The following TIE1 variants were observed in gnomAD, a reference collection of about 807,000 sequenced individuals.
TIE1 encodes tyrosine-protein kinase receptor Tie-1.
A neutral mutation model predicts 130.5 loss-of-function variants in TIE1; 89 were observed. That is an observed-to-expected ratio of 0.68 (90% CI 0.57 to 0.81). TIE1 has a LOEUF of 0.81. TIE1 is among the 40% of genes least tolerant of loss of function. The pLI is 0.00. For missense variants in TIE1, 1,392 were observed against 1,559.8 expected, an observed-to-expected ratio of 0.89 and a Z score of 1.81; for synonymous variants, 568 against 629.4, an observed-to-expected ratio of 0.90 and a Z score of 1.46.
chr1:43,320,709 G>A (rs1341102892), intron 19 of TIE1: 1 of 152,220 alleles, frequency 6.6e-6, no homozygotes, highest in Non-Finnish European at 1.5e-5. Flanking sequence ...AAAGAAATTA[G>A]CCGGGCATGG....
rs1336685512 is a variant in TIE1, at chr1:43,305,083, G to A, written c.291G>A (p.Ser97=). ...QVTLRGFSKP[S]DLVGVFSCVG... ...CGCTTCGCGGCTTCTCCAAGCCCTC[G>A]GACCTCGTGGGCGTCTTCTCCTGCG... The change falls in exon 2 of 23, where the codon TCG becomes TCA. Residue 97 remains serine, a synonymous_variant. Coordinates refer to ENST00000372476, the MANE Select transcript of TIE1 (RefSeq NM_005424.5). The A allele has an allele frequency of 1.2e-6, 2 of 1,612,344 alleles. No individual in the cohort carries two copies. Among genetic ancestry groups the A allele is most frequent in the African/African-American group, 1.3e-5 (1 of 75,016 alleles).
chr1:43,311,905 G>T, intron 10 of TIE1, 76 bp downstream of exon 10: 1 of 1,574,004 alleles, frequency 6.4e-7, no homozygotes, highest in African/African-American at 1.3e-5. Flanking sequence ...GGAGAGGGAG[G>T]GCAAATGGTG....
Position 43,307,392 on chromosome 1 carries a change from G to T in TIE1, c.773-40G>T. The T allele has an allele frequency of 3.1e-6, 5 of 1,612,528 alleles. No individual in the cohort carries two copies. The South Asian group carries it at 4.4e-5, about 14-fold the overall frequency. ...CGACAGGCAGGTCCTGGGCCCAGGG[G>T]CCCACAGAGGCCCATACACCCCACA... On this transcript the variant is annotated intron_variant, in intron 5 of 22. Coordinates refer to ENST00000372476, the MANE Select transcript of TIE1 (RefSeq NM_005424.5). This position sits in a 1 kb window ranked among gnomAD's most constrained non-coding sequence, Gnocchi z 5.4.
Position 43,312,054 on chromosome 1 carries a change from G to C in TIE1, c.1553G>C (p.Arg518Pro). ...NLRPKTGYSVRVQLSRPGEGG... is the reference protein window; with the variant it reads ...NLRPKTGYSVPVQLSRPGEGG... ...AGGCCAAAGACAGGATACAGTGTTCGTGTGCAGCTGAGCCGGCCAGGGGAA... is the reference window on the plus strand; with the variant it reads ...AGGCCAAAGACAGGATACAGTGTTCCTGTGCAGCTGAGCCGGCCAGGGGAA... The change falls in exon 11 of 23, where the codon CGT (arginine) becomes CCT (proline). Residue 518 changes from arginine (R) to proline (P), a missense_variant. This residue lies in a region of TIE1 where 551 missense variants were observed against 565.5 expected (regional missense o/e 0.97). Coordinates refer to ENST00000372476, the MANE Select transcript of TIE1 (RefSeq NM_005424.5). This position sits in a 1 kb window ranked among gnomAD's most constrained non-coding sequence, Gnocchi z 5.6. 6.2e-7 allele frequency: 1 copy of C among 1,607,856 alleles called. No homozygotes were observed. The highest frequency in any genetic ancestry group is 8.5e-7 in the Non-Finnish European group (1 of 1,176,086).
Position 43,313,070 on chromosome 1 carries a change from G to A in TIE1, c.1928-65G>A, listed in dbSNP as rs1439331131. On this transcript the variant is annotated intron_variant, in intron 12 of 22. Transcript: ENST00000372476. The surrounding 1 kb of genome is among the most constrained non-coding windows in gnomAD (Gnocchi z 6.2). ...GAGGGAGCACAGCTAGAGCAGATGT[G>A]TCCAGCCCCACAGCTACATAGCCCG... 2 of 1,534,118 alleles carry A rather than the reference G, an allele frequency of 1.3e-6. No individual in the cohort carries two copies. Among genetic ancestry groups the A allele is most frequent in the Non-Finnish European group, 1.8e-6 (2 of 1,136,756 alleles).
rs1363825334 is a variant in TIE1 at position 43,315,511 on chromosome 1, AGGCACAGT to A, written c.2409+1548_2409+1555del. Among the ~76,000 whole-genome samples the A allele has an allele frequency of 1.3e-5, 2 of 152,094 alleles. No homozygotes were observed. Among genetic ancestry groups the A allele is most frequent in the African/African-American group, 4.8e-5 (2 of 41,414 alleles). On this transcript the variant is annotated intron_variant, in intron 14 of 22. Transcript: ENST00000372476. This position sits in a 1 kb window ranked among gnomAD's most constrained non-coding sequence, Gnocchi z 4.4. ...TCTACTAAAGCTACAAAAATTAGCC[AGGCACAGT>A]GGCAGGAGCCTGTAATCCCAGCTAC...
chr1:43,307,238 GC>G lies in TIE1; in HGVS notation c.743del (p.Pro248LeufsTer117), dbSNP rs1417872933. The G allele has an allele frequency of 3.1e-6, 5 of 1,614,138 alleles. No individual in the cohort carries two copies. The South Asian group carries it at 3.3e-5, about 11-fold the overall frequency. On this transcript the variant is annotated frameshift_variant, in exon 5 of 23. Transcript: ENST00000372476. LOFTEE classifies it high-confidence loss of function. The surrounding 1 kb of genome is among the most constrained non-coding windows in gnomAD (Gnocchi z 5.4). ...CACGACCATGACGGCGAATGTGTAT[GC>G]CCCCCTGGCTTCACTGGCACCCGCT... ...VCHDHDGECV[C>X]PPGFTGTRCE... is the part of the protein sequence containing the mutation.
rs1646865138 is a variant in TIE1 at position 43,317,117 on chromosome 1, T to C, written c.2410-82T>C. 5.5e-6 allele frequency: 8 copies of C among 1,454,866 alleles called. No homozygotes were observed. The South Asian group carries it at 9.2e-5, about 17-fold the overall frequency. 90.1% of individuals were successfully genotyped at this position (1,454,866 alleles called of 1,614,324 possible). The stretch of plus-strand genomic sequence containing the variant: ...TGCCCACTTGTCTGACACTGAAACC[T>C]CCTCGTGTGCCTGTCTGTGCCTCCT... On this transcript the variant is annotated intron_variant, in intron 14 of 22. Coordinates refer to ENST00000372476, the MANE Select transcript of TIE1 (RefSeq NM_005424.5). The surrounding 1 kb of genome is among the most constrained non-coding windows in gnomAD (Gnocchi z 5.1).
Position 43,307,112 on chromosome 1 carries a change from G to C in TIE1, c.641-30G>C. ...CAGTCCTCAGTGGTCAGGTGGGTGA[G>C]GGTCAGCTGCTGAAGACACCTTCCT... On this transcript the variant is annotated intron_variant, in intron 4 of 22. Transcript: ENST00000372476. The surrounding 1 kb of genome is among the most constrained non-coding windows in gnomAD (Gnocchi z 5.4). 6.2e-7 allele frequency: 1 copy of C among 1,613,798 alleles called. No individual in the cohort carries two copies. Among genetic ancestry groups the C allele is most frequent in the South Asian group, 1.1e-5 (1 of 91,086 alleles).
Position 43,316,927 on chromosome 1 carries a change from C to G in TIE1, c.2410-272C>G, listed in dbSNP as rs543661590. ...GCCCTGGTTCTGCCTTCCAGAGTCC[C>G]GTACACTAGATCCCCTGGCTGCAGC... On this transcript the variant is annotated intron_variant, in intron 14 of 22. Transcript: ENST00000372476. The surrounding 1 kb of genome is among the most constrained non-coding windows in gnomAD (Gnocchi z 4.4). Among the ~76,000 whole-genome samples, 15 of 152,294 alleles carry G rather than the reference C, an allele frequency of 9.8e-5. No homozygotes were observed. Among genetic ancestry groups the G allele is most frequent in the African/African-American group, 3.6e-4 (15 of 41,568 alleles).
Position 43,307,522 on chromosome 1 carries a change from C to T in TIE1, c.863C>T (p.Pro288Leu). ...GGCCTCACCTTCTGCCTCCCAGACCCCTATGGCTGCTCTTGTGGATCTGGC... is the reference window on the plus strand; with the variant it reads ...GGCCTCACCTTCTGCCTCCCAGACCTCTATGGCTGCTCTTGTGGATCTGGC... ...CRGLTFCLPD[P>L]YGCSCGSGWR... The change falls in exon 6 of 23, where the codon CCC (proline) becomes CTC (leucine). Residue 288 changes from proline to leucine, a missense_variant. Coordinates refer to ENST00000372476, the MANE Select transcript of TIE1 (RefSeq NM_005424.5). The surrounding 1 kb of genome is among the most constrained non-coding windows in gnomAD (Gnocchi z 5.4). 6.2e-7 allele frequency: 1 copy of T among 1,614,168 alleles called. No homozygotes were observed. The highest frequency in any genetic ancestry group is 8.5e-7 in the Non-Finnish European group (1 of 1,180,018).
rs764015006 is a variant in TIE1 at position 43,309,350 on chromosome 1, G to A, written c.1189-38G>A. 36 of 1,548,312 alleles carry A rather than the reference G, an allele frequency of 2.3e-5. No homozygotes were observed. Among genetic ancestry groups the A allele is most frequent in the Non-Finnish European group, 2.7e-5 (31 of 1,150,618 alleles). On this transcript the variant is annotated intron_variant, in intron 8 of 22. Coordinates refer to ENST00000372476, the MANE Select transcript of TIE1 (RefSeq NM_005424.5). This position sits in a 1 kb window ranked among gnomAD's most constrained non-coding sequence, Gnocchi z 6.3. ...CTGGGTGCCTGCCACAGAGGTGCCC[G>A]TTCCCTGTGACCTGTCCCCTTCCCC...
chr1:43,310,474 G>T (rs752616553), intron 9 of TIE1, among the ~76,000 whole-genome samples: 19 of 152,198 alleles, frequency 1.2e-4, no homozygotes, highest in Non-Finnish European at 2.2e-4. Context: ...ATTTAGCACA[G>T]TGCCCGATAC....
At position 43,322,240 on chromosome 1, in the gene TIE1, A is replaced by T. The variant is rs1646927585; in HGVS notation, c.3346-411A>T. 6.6e-6 allele frequency among the ~76,000 whole-genome samples: 1 copy of T among 152,266 alleles called. No individual in the cohort carries two copies. Among genetic ancestry groups the T allele is most frequent in the East Asian group, 1.9e-4 (1 of 5,204 alleles). ...ATCAAATAAATATAATGAAAAATAT[A>T]TCAAAATTAGTAAATATGAAGAGTT... On this transcript the variant is annotated intron_variant, in intron 22 of 22. Coordinates refer to ENST00000372476, the MANE Select transcript of TIE1 (RefSeq NM_005424.5). This position sits in a 1 kb window ranked among gnomAD's most constrained non-coding sequence, Gnocchi z 4.0.
At chr1:43,305,478 C>G in intron 3 of TIE1, 135 bp downstream of exon 3, 1 of 778,116 alleles carries the variant, frequency 1.3e-6, no homozygotes, top group Non-Finnish European at 2.0e-6. Flanking sequence ...TGTAGTGGAC[C>G]AGGTCCCATG....
At position 43,307,641 on chromosome 1, in the gene TIE1, C is replaced by T; in HGVS notation, c.913+69C>T. ...CCAGGAGCTTGACCCGGACCCTCCA[C>T]TCTGCCTCTGACTTACGCAGCAAGC... On this transcript the variant is annotated intron_variant, in intron 6 of 22. Transcript: ENST00000372476. This position sits in a 1 kb window ranked among gnomAD's most constrained non-coding sequence, Gnocchi z 5.4. 6.2e-7 allele frequency: 1 copy of T among 1,609,930 alleles called. No homozygotes were observed. Among genetic ancestry groups the T allele is most frequent in the South Asian group, 1.1e-5 (1 of 90,860 alleles).
At position 43,307,492 on chromosome 1, in the gene TIE1, G is replaced by A. The variant is rs1208719686; in HGVS notation, c.833G>A (p.Cys278Tyr). 8 of 1,614,194 alleles carry A rather than the reference G, an allele frequency of 5.0e-6. No individual in the cohort carries two copies. The highest frequency in any genetic ancestry group is 5.9e-6 in the Non-Finnish European group (7 of 1,180,022). Reference sequence around the variant, plus strand: ...GAGCAGTGCCCAGGCATATCAGGCTGCCGGGGCCTCACCTTCTGCCTCCCA... The same window carrying A: ...GAGCAGTGCCCAGGCATATCAGGCTACCGGGGCCTCACCTTCTGCCTCCCA... Reference protein sequence around the residue: ...CQEQCPGISGCRGLTFCLPDP... With the variant: ...CQEQCPGISGYRGLTFCLPDP... Residue 278 changes from cysteine to tyrosine, a missense_variant, in exon 6 of 23, where the codon TGC becomes TAC. Physicochemically the swap from Cys to Tyr is radical, Grantham distance 194. This residue lies in a region of TIE1 where 415 missense variants were observed against 424.8 expected (regional missense o/e 0.98). Coordinates refer to ENST00000372476, the MANE Select transcript of TIE1 (RefSeq NM_005424.5). This position sits in a 1 kb window ranked among gnomAD's most constrained non-coding sequence, Gnocchi z 5.4.
At chr1:43,321,055 C>A (rs12124186) in intron 19 of TIE1, among the ~76,000 whole-genome samples, 22,740 of 117,588 alleles carry the variant, frequency 0.19, 2,605 homozygotes, top group South Asian at 0.29. Flanking sequence ...AAAAAAAAAA[C>A]AAAACAAAAG....
Position 43,309,476 on chromosome 1 carries a change from GC to G in TIE1, c.1279del (p.Arg427ValfsTer17). 1 of 1,610,878 alleles carries G rather than the reference GC, an allele frequency of 6.2e-7. No individual in the cohort carries two copies. Among genetic ancestry groups the G allele is most frequent in the Non-Finnish European group, 8.5e-7 (1 of 1,178,672 alleles). On this transcript the variant is annotated frameshift_variant, in exon 9 of 23. Coordinates refer to ENST00000372476, the MANE Select transcript of TIE1 (RefSeq NM_005424.5). LOFTEE classifies it high-confidence loss of function. This position sits in a 1 kb window ranked among gnomAD's most constrained non-coding sequence, Gnocchi z 6.3. ...LVLADSGFWE[C>X]RVSTSGGQDS... ...CTTGCGGACAGTGGGTTCTGGGAGT[GC>G]CGTGTGTCCACATCTGGCGGCCAAG...
Sources: allele counts gnomAD v4.1 joint callset (sites outside exome capture counted in the v4.1 genomes callset), GRCh38; gene constraint gnomAD v4.1.1; regional missense constraint gnomAD v4.1.1; non-coding constraint Gnocchi (gnomAD v3.1); transcripts MANE v1.5; gene names NCBI Gene and HGNC (gene_info 2026-07-23, HGNC 2026-07-21).